NTM: variants seen among roughly 807,000 people sequenced by gnomAD.
NTM encodes the protein neurotrimin.
Under a neutral mutation model 42.1 loss-of-function variants are expected in NTM, and 13 were observed. That is an observed-to-expected ratio of 0.31 (90% confidence interval 0.20 to 0.49). The LOEUF is 0.49. NTM is among the 20% of genes least tolerant of loss of function. The pLI is 0.99. For missense variants in NTM, 373 were observed against 452.8 expected, an observed-to-expected ratio of 0.82 and a Z score of 1.60; for synonymous variants, 187 against 179.2, an observed-to-expected ratio of 1.04 and a Z score of -0.35.
chr11:131,629,911 C>A (rs958753612), intron 1 of NTM, among the ~76,000 whole-genome samples: 1 of 152,154 alleles, frequency 6.6e-6, no homozygotes, highest in Admixed American at 6.5e-5. Flanking sequence ...GGAGTCAGGG[C>A]TGGTGTGCTG....
At chr11:131,969,514 G>C (rs561466329) in intron 2 of NTM, among the ~76,000 whole-genome samples, 1 of 152,156 alleles carries the variant, frequency 6.6e-6, no homozygotes, top group Admixed American at 6.5e-5. Flanking sequence ...TAATCTGTTG[G>C]CTTTGGAGAC....
intron 1 of NTM, among the ~76,000 whole-genome samples, chr11:131,374,070 A>G (rs936773584): frequency 3.9e-5 from 6 of 152,212 alleles, no homozygotes; most frequent in African/African-American, 1.4e-4. Context: ...AGCAATATCT[A>G]CTGGCAAAGT....
intron 1 of NTM, among the ~76,000 whole-genome samples, chr11:131,424,680 C>T (rs1385506795): frequency 2.2e-5 from 3 of 136,118 alleles, no homozygotes; most frequent in African/African-American, 8.3e-5. Context: ...CCTGCCTCAG[C>T]CTCCAAGTAG....
intron 1 of NTM, among the ~76,000 whole-genome samples, chr11:131,484,756 T>C (rs557244173): frequency 6.6e-6 from 1 of 152,330 alleles, no homozygotes; most frequent in East Asian, 1.9e-4. Flanking sequence ...ATGCTCTTCC[T>C]TCATTCACTC....
At chr11:132,133,521 G>C (rs1210828754) in intron 2 of NTM, among the ~76,000 whole-genome samples, 1 of 152,174 alleles carries the variant, frequency 6.6e-6, no homozygotes, top group Non-Finnish European at 1.5e-5. Context: ...TGAAGTTTAA[G>C]GGGTAAGTTA....
chr11:132,335,086 G>A lies in NTM; in HGVS notation c.1008G>A (p.Arg336=), dbSNP rs1468871287. The change falls in exon 9 of 9, where the codon AGG becomes AGA. Residue 336 remains arginine (R), a synonymous_variant. Transcript: ENST00000683400. ...AVSEVSNGTS[R]RAGCVWLLPL... is the part of the protein sequence containing the mutation. ...GCGAGGTGAGCAACGGCACGTCGAG[G>A]AGGGCAGGCTGCGTCTGGCTGCTGC... 4 of 1,612,566 alleles carry A rather than the reference G, an allele frequency of 2.5e-6. No individual in the cohort carries two copies. The highest frequency in any genetic ancestry group is 1.1e-5 in the South Asian group (1 of 91,054).
At chr11:131,786,034 T>G (rs1426255543) in intron 1 of NTM, among the ~76,000 whole-genome samples, 2 of 152,160 alleles carry the variant, frequency 1.3e-5, no homozygotes, top group Non-Finnish European at 2.9e-5. Context: ...CAGAAGGCTA[T>G]CTCACTTCAG....
chr11:131,619,720 G>A (rs2062326459), intron 1 of NTM, among the ~76,000 whole-genome samples: 1 of 151,998 alleles, frequency 6.6e-6, no homozygotes, highest in African/African-American at 2.4e-5. Context: ...ATTTTATGAA[G>A]AGCAGCAGAC....
At chr11:131,545,277 C>T (rs2053775815) in intron 1 of NTM, among the ~76,000 whole-genome samples, 1 of 152,152 alleles carries the variant, frequency 6.6e-6, no homozygotes, top group Non-Finnish European at 1.5e-5. Context: ...CCTTTTCCCT[C>T]TGTTTCTTTG....
At chr11:131,932,644 A>G (rs1224069467) in intron 2 of NTM, among the ~76,000 whole-genome samples, 1 of 152,186 alleles carries the variant, frequency 6.6e-6, no homozygotes, top group Non-Finnish European at 1.5e-5. Context: ...ATCAGCAGAC[A>G]AGGAATAGGA....
chr11:132,018,116 C>T (rs2073730120), intron 2 of NTM, among the ~76,000 whole-genome samples: 1 of 151,446 alleles, frequency 6.6e-6, no homozygotes, highest in African/African-American at 2.4e-5. Context: ...TCCCTCTCTC[C>T]CTCTGTCTCT....
At chr11:131,449,822 T>A (rs1237786551) in intron 1 of NTM, among the ~76,000 whole-genome samples, 1 of 152,134 alleles carries the variant, frequency 6.6e-6, no homozygotes. Flanking sequence ...CAGAAGCCTG[T>A]CCCTACGAAC....
intron 2 of NTM, among the ~76,000 whole-genome samples, chr11:131,937,451 TG>T (rs1445522937): frequency 6.6e-6 from 1 of 151,962 alleles, no homozygotes; most frequent in Non-Finnish European, 1.5e-5. Context: ...TATTGGTGGG[TG>T]GGGGTACATG....
chr11:132,176,674 G>T lies in NTM; in HGVS notation c.400+30160G>T, dbSNP rs149364774. The stretch of plus-strand genomic sequence containing the variant: ...ATATTTCTTAGTATTCTGGGGGTGA[G>T]GAAGGATTTTAGCCTCTGTGAATCC... On this transcript the variant is annotated intron_variant, in intron 3 of 8. Transcript: ENST00000683400. 2.9e-3 allele frequency among the ~76,000 whole-genome samples: 433 copies of T among 149,272 alleles called. 1 individual carries two copies. The Middle Eastern group carries it at 0.036, about 12-fold the overall frequency.
chr11:131,594,505 C>G (rs2059646516), intron 1 of NTM, among the ~76,000 whole-genome samples: 1 of 152,048 alleles, frequency 6.6e-6, no homozygotes, highest in Non-Finnish European at 1.5e-5. Flanking sequence ...AAGTGATTCT[C>G]CCACCTCAGC....
At chr11:131,373,812 C>T (rs1186338760) in intron 1 of NTM, among the ~76,000 whole-genome samples, 1 of 152,222 alleles carries the variant, frequency 6.6e-6, no homozygotes, top group Non-Finnish European at 1.5e-5. Context: ...TTTCTCATTT[C>T]CTCACCTCTC....
At chr11:131,587,855 A>G (rs2059010745) in intron 1 of NTM, among the ~76,000 whole-genome samples, 1 of 152,198 alleles carries the variant, frequency 6.6e-6, no homozygotes, top group South Asian at 2.1e-4. Flanking sequence ...GATCAAAACA[A>G]GTTCAGGGCT....
At chr11:132,143,624 C>T (rs908199987) in intron 2 of NTM, among the ~76,000 whole-genome samples, 2 of 152,130 alleles carry the variant, frequency 1.3e-5, no homozygotes, top group African/African-American at 4.8e-5. Flanking sequence ...CTCATGTAGT[C>T]AATTAACATT....
intron 8 of NTM, among the ~76,000 whole-genome samples, chr11:132,331,289 T>TA (rs2095796708): frequency 6.6e-6 from 1 of 152,140 alleles, no homozygotes; most frequent in African/African-American, 2.4e-5. Flanking sequence ...ATTAAGGTGT[T>TA]GTGATAGCTT....
Sources: allele counts gnomAD v4.1 joint callset (sites outside exome capture counted in the v4.1 genomes callset), GRCh38; gene constraint gnomAD v4.1.1; transcripts MANE v1.5; gene names NCBI Gene and HGNC (gene_info 2026-07-23, HGNC 2026-07-21).